Variants in RAD51B observed in about 807,000 individuals in gnomAD.
RAD51B encodes the protein RAD51 paralog B.
A neutral mutation model predicts 42.2 loss-of-function variants in RAD51B; 38 were observed. The observed-to-expected ratio is 0.90, with a 90% CI of 0.70 to 1.18. The LOEUF is 1.18. RAD51B is among the 50% of genes most tolerant of loss of function. The pLI is 0.00. For missense variants in RAD51B, 373 were observed against 400.7 expected, an observed-to-expected ratio of 0.93 and a Z score of 0.59; for synonymous variants, 154 against 145.2, an observed-to-expected ratio of 1.06 and a Z score of -0.43.
intron 7 of RAD51B, among the ~76,000 whole-genome samples, chr14:68,238,322 A>G (rs1298903274): frequency 1.3e-5 from 2 of 152,078 alleles, no homozygotes; most frequent in African/African-American, 2.4e-5. Flanking sequence ...GTTTTTTAAG[A>G]TGAGGTCTTG....
At chr14:68,638,125 G>C (rs1358460299) in intron 10 of RAD51B, among the ~76,000 whole-genome samples, 5 of 152,232 alleles carry the variant, frequency 3.3e-5, no homozygotes, top group Non-Finnish European at 5.9e-5. Flanking sequence ...CCTGGAAGAG[G>C]AGAGAAATCC....
intron 9 of RAD51B, among the ~76,000 whole-genome samples, chr14:68,466,280 T>C (rs1447615354): frequency 6.6e-6 from 1 of 152,246 alleles, no homozygotes; most frequent in Non-Finnish European, 1.5e-5. Flanking sequence ...CTATTATTTA[T>C]TGTGAACTTA....
intron 9 of RAD51B, among the ~76,000 whole-genome samples, chr14:68,447,365 T>G (rs2085445218): frequency 6.6e-6 from 1 of 152,230 alleles, no homozygotes. Context: ...ATTACTTAGG[T>G]CTACTTTCCT....
intron 10 of RAD51B, among the ~76,000 whole-genome samples, chr14:68,491,955 G>T (rs540097339): frequency 1.3e-5 from 2 of 152,320 alleles, no homozygotes; most frequent in East Asian, 3.9e-4. Flanking sequence ...AAGCCCCACC[G>T]ATTCCAGCGG....
intron 7 of RAD51B, among the ~76,000 whole-genome samples, chr14:67,973,465 A>G (rs1274780003): frequency 6.6e-6 from 1 of 152,112 alleles, no homozygotes; most frequent in Non-Finnish European, 1.5e-5. Context: ...TTTTATGTAA[A>G]TTGTTCATGA....
At chr14:68,680,189 G>A (rs1342286670) in intron 11 of RAD51B, among the ~76,000 whole-genome samples, 4 of 152,158 alleles carry the variant, frequency 2.6e-5, no homozygotes, top group Non-Finnish European at 5.9e-5. Flanking sequence ...ACTTCCATAA[G>A]TCTAGATAAT....
chr14:68,464,443 T>G (rs2085923311), intron 9 of RAD51B, among the ~76,000 whole-genome samples: 1 of 152,276 alleles, frequency 6.6e-6, no homozygotes, highest in Admixed American at 6.5e-5. Flanking sequence ...CTTTAGAATG[T>G]AAGCTCTATT....
At chr14:68,519,342 A>G (rs1886406547) in intron 10 of RAD51B, among the ~76,000 whole-genome samples, 1 of 152,264 alleles carries the variant, frequency 6.6e-6, no homozygotes, top group African/African-American at 2.4e-5. Context: ...CTCTGGAGGT[A>G]GAGCCTGGGG....
At chr14:67,946,809 T>G (rs756959827) in intron 7 of RAD51B, among the ~76,000 whole-genome samples, 2 of 152,234 alleles carry the variant, frequency 1.3e-5, no homozygotes, top group Non-Finnish European at 2.9e-5. Flanking sequence ...TTCCCTATCT[T>G]CTGCCATATT....
chr14:68,041,149 G>A lies in RAD51B; in HGVS notation c.756+153945G>A, dbSNP rs189811802. Among the ~76,000 whole-genome samples the A allele has an allele frequency of 2.0e-5, 3 of 152,182 alleles. No individual in the cohort carries two copies. In the East Asian group the frequency reaches 5.8e-4, roughly 29 times the overall value. On this transcript the variant is annotated intron_variant, in intron 7 of 10. Transcript: ENST00000471583. Reference sequence around the variant, plus strand: ...TATTTAAAAGTGTATAGCCCTTTCCGCCTTTGCTCTCTCTCCTGTTCTGCC... The same window carrying A: ...TATTTAAAAGTGTATAGCCCTTTCCACCTTTGCTCTCTCTCCTGTTCTGCC...
intron 7 of RAD51B, among the ~76,000 whole-genome samples, chr14:68,186,751 T>C (rs1269097914): frequency 6.6e-6 from 1 of 152,202 alleles, no homozygotes; most frequent in Non-Finnish European, 1.5e-5. Flanking sequence ...GGAATGCATG[T>C]ACACTGTTGG....
intron 10 of RAD51B, among the ~76,000 whole-genome samples, chr14:68,636,465 C>T (rs936058242): frequency 7.9e-5 from 12 of 151,726 alleles, no homozygotes; most frequent in Non-Finnish European, 1.2e-4. Flanking sequence ...CACCTGTAGT[C>T]CCGGCTACTC....
chr14:68,168,238 T>C (rs1184967200), intron 7 of RAD51B, among the ~76,000 whole-genome samples: 1 of 152,150 alleles, frequency 6.6e-6, no homozygotes, highest in Non-Finnish European at 1.5e-5. Flanking sequence ...AGAATTTTAC[T>C]CCTTTTAATC....
intron 8 of RAD51B, among the ~76,000 whole-genome samples, chr14:68,347,166 A>G (rs915081232): frequency 6.6e-6 from 1 of 152,222 alleles, no homozygotes; most frequent in Non-Finnish European, 1.5e-5. Context: ...ACAAAGTCCA[A>G]GTTATGCTCC....
chr14:68,183,001 A>C (rs2079083744), intron 7 of RAD51B, among the ~76,000 whole-genome samples: 1 of 152,102 alleles, frequency 6.6e-6, no homozygotes, highest in Non-Finnish European at 1.5e-5. Flanking sequence ...TTTTGATTTT[A>C]GTTTGGTTAA....
chr14:68,563,113 G>A (rs1889237638), intron 10 of RAD51B: 1 of 985,360 alleles, frequency 1.0e-6, no homozygotes, highest in Non-Finnish European at 1.2e-6. Context: ...ACTCTGCCGG[G>A]TTCAGAGAGG....
intron 11 of RAD51B, among the ~76,000 whole-genome samples, chr14:68,679,373 C>A (rs998422373): frequency 2.0e-5 from 3 of 152,236 alleles, no homozygotes; most frequent in Admixed American, 6.5e-5. Flanking sequence ...GTATGTCTGA[C>A]CCACAAGTCT....
intron 7 of RAD51B, among the ~76,000 whole-genome samples, chr14:68,019,593 G>A (rs2075830834): frequency 6.6e-6 from 1 of 151,910 alleles, no homozygotes; most frequent in East Asian, 1.9e-4. Flanking sequence ...ATGGAGGGCT[G>A]ACATTTCATA....
At chr14:68,470,554 G>C in intron 10 of RAD51B, 1 of 501,312 alleles carries the variant, frequency 2.0e-6, no homozygotes, top group South Asian at 1.5e-5. Flanking sequence ...CTTGATTCAA[G>C]ACTTTGAAAA....
Sources: gnomAD v4.1 joint callset for allele counts (sites outside exome capture counted in the v4.1 genomes callset) on GRCh38, gnomAD v4.1.1 for gene constraint, MANE v1.5 for transcripts, NCBI Gene and HGNC (gene_info 2026-07-23, HGNC 2026-07-21) for gene names.